The following CA10 variants were observed in gnomAD, a reference collection of about 807,000 sequenced individuals.
The protein encoded by CA10 is carbonic anhydrase-related protein 10.
A neutral mutation model predicts 44.2 loss-of-function variants in CA10; 14 were observed. That is an observed-to-expected ratio of 0.32 (90% CI 0.21 to 0.50). CA10 has a LOEUF of 0.50. Ranked by LOEUF, CA10 falls within the 20% of genes least tolerant of loss-of-function variation. The pLI is 0.99. For synonymous variants in CA10, 159 were observed against 141.6 expected, an observed-to-expected ratio of 1.12 and a Z score of -0.87; for missense variants, 350 against 409.7, an observed-to-expected ratio of 0.85 and a Z score of 1.26.
chr17:51,809,636 T>C (rs1297172968), intron 3 of CA10, among the ~76,000 whole-genome samples: 1 of 152,118 alleles, frequency 6.6e-6, no homozygotes, highest in East Asian at 1.9e-4. Context: ...ACTGACAAAC[T>C]CCTCAGTAGC....
intron 1 of CA10, among the ~76,000 whole-genome samples, chr17:52,132,503 T>C (rs1989264269): frequency 6.6e-6 from 1 of 152,216 alleles, no homozygotes; most frequent in Non-Finnish European, 1.5e-5. Flanking sequence ...GAGAAAGGTG[T>C]GCTGTACCTG....
intron 4 of CA10, among the ~76,000 whole-genome samples, chr17:51,688,784 C>T (rs948240001): frequency 1.3e-5 from 2 of 152,144 alleles, no homozygotes; most frequent in Admixed American, 6.6e-5. Context: ...ATCCTTTCCT[C>T]TTTGTCCCTG....
At chr17:52,067,344 G>A (rs147210288) in intron 2 of CA10, among the ~76,000 whole-genome samples, 112 of 152,350 alleles carry the variant, frequency 7.4e-4, no homozygotes, top group African/African-American at 2.5e-3. Flanking sequence ...TACATGTGGT[G>A]TTGGGCCTGT....
At chr17:51,912,361 A>T (rs565852232) in intron 3 of CA10, among the ~76,000 whole-genome samples, 1 of 152,316 alleles carries the variant, frequency 6.6e-6, no homozygotes, top group Admixed American at 6.5e-5. Flanking sequence ...AGGCTCAAGG[A>T]GGTAAAGTAA....
At chr17:51,716,392 A>AAATAAAATATTTAT (rs1916114467) in intron 4 of CA10, among the ~76,000 whole-genome samples, 1 of 151,886 alleles carries the variant, frequency 6.6e-6, no homozygotes, top group South Asian at 2.1e-4. Flanking sequence ...GCAAGAAACT[A>AAATAAAATATTTAT]CCCCCAAATA....
chr17:51,967,111 T>G (rs1398390019), intron 2 of CA10, among the ~76,000 whole-genome samples: 1 of 151,654 alleles, frequency 6.6e-6, no homozygotes, highest in Non-Finnish European at 1.5e-5. Context: ...TCACTAATCA[T>G]CAGAGAAATT....
chr17:51,815,622 C>A (rs1263874747), intron 3 of CA10, among the ~76,000 whole-genome samples: 1 of 152,086 alleles, frequency 6.6e-6, no homozygotes, highest in Non-Finnish European at 1.5e-5. Context: ...TTACCATCTG[C>A]CGGTAAAATC....
At chr17:51,936,158 T>A (rs1982856435) in intron 2 of CA10, among the ~76,000 whole-genome samples, 1 of 152,130 alleles carries the variant, frequency 6.6e-6, no homozygotes, top group South Asian at 2.1e-4. Context: ...GCACTGAAAG[T>A]TGATGCAACA....
At chr17:51,825,211 A>G (rs1037053501) in intron 3 of CA10, among the ~76,000 whole-genome samples, 8 of 152,234 alleles carry the variant, frequency 5.3e-5, no homozygotes, top group African/African-American at 7.2e-5. Flanking sequence ...TAAGAAAAGA[A>G]GAGGATTAAA....
At chr17:51,855,073 C>T (rs538094253) in intron 3 of CA10, among the ~76,000 whole-genome samples, 4 of 152,086 alleles carry the variant, frequency 2.6e-5, no homozygotes, top group South Asian at 2.1e-4. Context: ...GGAAAGAGCA[C>T]CAGTTTTGGA....
rs955519738 is a variant in CA10, at chr17:52,010,973, TACAA to T, written c.136+61342_136+61345del. On this transcript the variant is annotated intron_variant, in intron 2 of 8. Coordinates refer to ENST00000451037, the MANE Select transcript of CA10 (RefSeq NM_020178.5). Reference sequence around the variant, plus strand: ...ATAAGAAGTGTGCAAAGTGGAATGCTACAAACACACAAGCAGTTGGCGGGGGCGG... The same window carrying T: ...ATAAGAAGTGTGCAAAGTGGAATGCTACACACAAGCAGTTGGCGGGGGCGG... Among the ~76,000 whole-genome samples the T allele has an allele frequency of 2.0e-4, 24 of 118,258 alleles. 1 individual carries two copies. Among genetic ancestry groups the T allele is most frequent in the African/African-American group, 7.4e-4 (22 of 29,780 alleles). The allele number at this position is 118,258 out of a possible 152,430, so 77.6% of individuals were successfully genotyped here.
intron 2 of CA10, among the ~76,000 whole-genome samples, chr17:51,959,797 G>A (rs202133658): frequency 6.9e-4 from 77 of 112,328 alleles, no homozygotes; most frequent in Admixed American, 1.3e-3. Flanking sequence ...CTGCTAAGAT[G>A]AAAAAAAAAA....
intron 6 of CA10, among the ~76,000 whole-genome samples, chr17:51,648,233 G>A (rs1018851416): frequency 2.0e-5 from 3 of 152,152 alleles, no homozygotes; most frequent in African/African-American, 7.2e-5. Context: ...CTGAGCTCCT[G>A]GCTTGGTGAA....
chr17:51,895,238 C>T (rs1432007599), intron 3 of CA10, among the ~76,000 whole-genome samples: 2 of 152,010 alleles, frequency 1.3e-5, no homozygotes, highest in Non-Finnish European at 2.9e-5. Flanking sequence ...AGTTCAGAAA[C>T]ATGGGATTCT....
intron 2 of CA10, among the ~76,000 whole-genome samples, chr17:52,054,099 A>G (rs1358586151): frequency 6.6e-6 from 1 of 152,222 alleles, no homozygotes; most frequent in Non-Finnish European, 1.5e-5. Context: ...AGATAACCTT[A>G]AACTCTGGCT....
chr17:52,140,352 G>C (rs960322514), intron 1 of CA10, among the ~76,000 whole-genome samples: 1 of 152,178 alleles, frequency 6.6e-6, no homozygotes, highest in Non-Finnish European at 1.5e-5. Context: ...CCGGCCTTAG[G>C]CTCTGTTGCA....
At chr17:51,767,529 TC>T (rs1468022042) in intron 3 of CA10, among the ~76,000 whole-genome samples, 1 of 152,144 alleles carries the variant, frequency 6.6e-6, no homozygotes, top group Admixed American at 6.5e-5. Flanking sequence ...AAACCAGTGA[TC>T]CCCCACCTTT....
At chr17:52,134,301 T>G (rs906748055) in intron 1 of CA10, among the ~76,000 whole-genome samples, 4 of 152,382 alleles carry the variant, frequency 2.6e-5, no homozygotes, top group Admixed American at 6.5e-5. Flanking sequence ...TCTTAACTTA[T>G]TGTAACCTTG....
chr17:51,670,099 A>T (rs1368223632), intron 4 of CA10, among the ~76,000 whole-genome samples: 2 of 152,182 alleles, frequency 1.3e-5, no homozygotes, highest in Non-Finnish European at 2.9e-5. Flanking sequence ...TTCCACCATG[A>T]TTGTGAGGCT....
Sources: allele counts gnomAD v4.1 joint callset (sites outside exome capture counted in the v4.1 genomes callset), GRCh38; gene constraint gnomAD v4.1.1; transcripts MANE v1.5; gene names NCBI Gene and HGNC (gene_info 2026-07-23, HGNC 2026-07-21).